The following ATP8B1 variants were observed in gnomAD, a reference collection of about 807,000 sequenced individuals.
The protein encoded by ATP8B1 is phospholipid-transporting ATPase IC.
A neutral mutation model predicts 149.9 loss-of-function variants in ATP8B1; 80 were observed. The observed-to-expected ratio is 0.53, with a 90% confidence interval of 0.45 to 0.64. ATP8B1 has a LOEUF of 0.64. Ranked by LOEUF, ATP8B1 falls within the 30% of genes least tolerant of loss-of-function variation. The pLI is 0.00. For missense variants in ATP8B1, 1,247 were observed against 1,552.6 expected (o/e 0.80, Z 3.31); for synonymous variants, 536 against 562.8 (o/e 0.95, Z 0.67).
intron 13 of ATP8B1, among the ~76,000 whole-genome samples, chr18:57,685,639 T>A (rs1330976858): frequency 6.6e-6 from 1 of 152,070 alleles, no homozygotes; most frequent in Non-Finnish European, 1.5e-5. Flanking sequence ...AAATCAACTT[T>A]TAAAACAATT....
intron 21 of ATP8B1, among the ~76,000 whole-genome samples, chr18:57,661,676 T>TATACACACAC (rs1555688751): frequency 1.9e-5 from 2 of 104,612 alleles, no homozygotes; most frequent in African/African-American, 7.4e-5. Flanking sequence ...TGTATGTATA[T>TATACACACAC]ACACACACAC....
At chr18:57,667,642 C>G in intron 19 of ATP8B1, 1 of 198,470 alleles carries the variant, frequency 5.0e-6, no homozygotes, top group Non-Finnish European at 1.1e-5. Flanking sequence ...ATAAAATGTG[C>G]TATATTATCA....
At chr18:57,751,226 C>A (rs1056190516) in intron 1 of ATP8B1, among the ~76,000 whole-genome samples, 2 of 152,042 alleles carry the variant, frequency 1.3e-5, no homozygotes, top group African/African-American at 4.8e-5. Context: ...GCTTGTGGCT[C>A]ACACCTGTAA....
intron 1 of ATP8B1, among the ~76,000 whole-genome samples, chr18:57,764,317 CTTTCTTTTTCTTTCTTTCTTTCTT>C (rs1322163330): frequency 3.2e-5 from 4 of 125,932 alleles, no homozygotes; most frequent in Admixed American, 2.3e-4. Flanking sequence ...TTCTTTCTTT[CTTTCTTTTTCTTTCTTTCTTTCTT>C]TTTCTTTCTT....
rs186312390 is a variant in ATP8B1 at position 57,730,146 on chromosome 18, G to A, written c.181+1481C>T. On this transcript the variant is annotated intron_variant, in intron 2 of 27. Transcript: ENST00000648908. ...AACAGGAAGAATCATTGCAGAAATGGGATTTCATGCATATCACATCTTCTA... is the reference window on the plus strand; with the variant it reads ...AACAGGAAGAATCATTGCAGAAATGAGATTTCATGCATATCACATCTTCTA... 5.3e-5 allele frequency among the ~76,000 whole-genome samples: 8 copies of A among 151,696 alleles called. No homozygotes were observed. In the East Asian group the frequency reaches 9.7e-4, roughly 18 times the overall value.
chr18:57,735,294 C>T (rs577623727), intron 1 of ATP8B1: 67 of 156,370 alleles, frequency 4.3e-4, no homozygotes, highest in Middle Eastern at 3.3e-3. Context: ...GGGAAGCACC[C>T]GTTGCCACTC....
chr18:57,651,030 A>G lies in ATP8B1; in HGVS notation c.3401-533T>C, dbSNP rs191835735. Among the ~76,000 whole-genome samples the G allele has an allele frequency of 4.1e-3, 623 of 152,348 alleles. 6 individuals carry two copies. Among genetic ancestry groups the G allele is most frequent in the African/African-American group, 0.014 (592 of 41,584 alleles). On this transcript the variant is annotated intron_variant, in intron 26 of 27. Transcript: ENST00000648908. The stretch of plus-strand genomic sequence containing the variant: ...AAATTATTTGAAACAAGGCAAATTT[A>G]CATAAGTGAGCAAATAAGGAAAAAA...
chr18:57,793,486 A>G (rs1333678781), intron 1 of ATP8B1, among the ~76,000 whole-genome samples: 1 of 151,984 alleles, frequency 6.6e-6, no homozygotes, highest in Non-Finnish European at 1.5e-5. Flanking sequence ...ACACCACTCC[A>G]AGGAGCAATG....
intron 11 of ATP8B1, among the ~76,000 whole-genome samples, chr18:57,693,458 A>G (rs1483178975): frequency 6.6e-6 from 1 of 152,178 alleles, no homozygotes; most frequent in Admixed American, 6.5e-5. Flanking sequence ...TTGTAATCCA[A>G]GCACTTTGGG....
chr18:57,697,711 A>G lies in ATP8B1; in HGVS notation c.628-23T>C, dbSNP rs773168158. The G allele has an allele frequency of 7.4e-6, 12 of 1,613,450 alleles. No homozygotes were observed. In the East Asian group the frequency reaches 2.7e-4, roughly 36 times the overall value. On this transcript the variant is annotated intron_variant, in intron 7 of 27. Transcript: ENST00000648908. ...AGCCTGTCCAAAACAAAACACACAA[A>G]TAACACCGAGACCCTGAGGGAAAAG... is the stretch of plus-strand genomic sequence containing the variant.
At chr18:57,788,917 CT>C (rs1265586443) in intron 1 of ATP8B1, among the ~76,000 whole-genome samples, 1 of 152,118 alleles carries the variant, frequency 6.6e-6, no homozygotes, top group Non-Finnish European at 1.5e-5. Flanking sequence ...CAACACAGCC[CT>C]TTTAGGAGAA....
At chr18:57,756,856 T>C (rs2080090564) in intron 1 of ATP8B1, among the ~76,000 whole-genome samples, 1 of 152,242 alleles carries the variant, frequency 6.6e-6, no homozygotes, top group East Asian at 1.9e-4. Context: ...ACTTTGGTCA[T>C]GTGGTCAACG....
In ATP8B1 at chr18:57,776,534, C is replaced by T. The variant is rs542490249; in HGVS notation, c.-26+26464G>A. On this transcript the variant is annotated intron_variant, in intron 1 of 27. Transcript: ENST00000648908. ...GGGAGCCCACCCACACAATCAACCA[C>T]AGTCACCCAGATCTGCCCACTGAGG... Among the ~76,000 whole-genome samples the T allele has an allele frequency of 5.3e-5, 8 of 152,108 alleles. No homozygotes were observed. In the South Asian group the frequency reaches 6.2e-4, roughly 12 times the overall value.
chr18:57,650,332 G>A, intron 27 of ATP8B1, 35 bp downstream of exon 27: 1 of 1,607,526 alleles, frequency 6.2e-7, no homozygotes, highest in Non-Finnish European at 8.5e-7. Context: ...GTTTCTGTGA[G>A]GGACAGAGTT....
intron 1 of ATP8B1, among the ~76,000 whole-genome samples, chr18:57,757,270 C>T (rs910822081): frequency 6.6e-6 from 1 of 152,186 alleles, no homozygotes; most frequent in African/African-American, 2.4e-5. Flanking sequence ...GTGACAGGCT[C>T]CCATCATTCT....
chr18:57,648,155 T>A lies in ATP8B1; in HGVS notation c.*333A>T. 2.4e-6 allele frequency: 1 copy of A among 412,572 alleles called. No homozygotes were observed. Among genetic ancestry groups the A allele is most frequent in the Non-Finnish European group, 4.6e-6 (1 of 218,678 alleles). The allele number at this position is 412,572 out of a possible 1,614,324, so 25.6% of individuals were successfully genotyped here. ...GTGCCCACCACCAAGCCCGGCTAAT[T>A]TTTAATTTATGGTAGAGACAGGGTT... On this transcript the variant is annotated 3_prime_UTR_variant, in exon 28 of 28. Coordinates refer to ENST00000648908, the MANE Select transcript of ATP8B1 (RefSeq NM_001374385.1).
chr18:57,663,384 CT>C (rs1910622207), intron 20 of ATP8B1, among the ~76,000 whole-genome samples: 1 of 152,198 alleles, frequency 6.6e-6, no homozygotes, highest in African/African-American at 2.4e-5. Context: ...AACAGTGTTG[CT>C]GTGAACATGG....
At chr18:57,798,775 G>T (rs1479032533) in intron 1 of ATP8B1, among the ~76,000 whole-genome samples, 1 of 152,254 alleles carries the variant, frequency 6.6e-6, no homozygotes, top group African/African-American at 2.4e-5. Flanking sequence ...CTCCTGCAAG[G>T]TTAAGAGGCA....
At chr18:57,666,995 T>A in intron 20 of ATP8B1, 97 bp downstream of exon 20, 1 of 1,121,170 alleles carries the variant, frequency 8.9e-7, no homozygotes, top group Non-Finnish European at 1.3e-6. Flanking sequence ...TGACACATCG[T>A]AACCCCTATT....
Sources: gnomAD v4.1 joint callset for allele counts (sites outside exome capture counted in the v4.1 genomes callset) on GRCh38, gnomAD v4.1.1 for gene constraint, MANE v1.5 for transcripts, NCBI Gene and HGNC (gene_info 2026-07-23, HGNC 2026-07-21) for gene names.